The following NME8 variants were observed in gnomAD, a reference collection of about 807,000 sequenced individuals.
NME8 encodes NME/NM23 family member 8.
A neutral mutation model predicts 82.3 loss-of-function variants in NME8; 72 were observed. The observed-to-expected ratio is 0.87, with a 90% confidence interval of 0.72 to 1.06. NME8 has a LOEUF of 1.06. Ranked by LOEUF, NME8 falls within the 50% of genes least tolerant of loss-of-function variation. The pLI is 0.00. For missense variants in NME8, 712 were observed against 685.4 expected, an observed-to-expected ratio of 1.04 and a Z score of -0.43; for synonymous variants, 267 against 228.5, an observed-to-expected ratio of 1.17 and a Z score of -1.52.
chr7:37,853,496 T>A (rs1024670951), intron 5 of NME8, among the ~76,000 whole-genome samples: 17 of 152,150 alleles, frequency 1.1e-4, no homozygotes, highest in Non-Finnish European at 4.4e-5. Context: ...AAATACAGTA[T>A]CACAAGTGTC....
At chr7:37,866,259 A>G (rs2131951007) in intron 10 of NME8, among the ~76,000 whole-genome samples, 1 of 152,246 alleles carries the variant, frequency 6.6e-6, no homozygotes, top group Non-Finnish European at 1.5e-5. Context: ...CAGTTGCACT[A>G]GCCACATTTT....
chr7:37,860,235 C>T (rs1029689045), intron 6 of NME8, among the ~76,000 whole-genome samples: 34 of 152,040 alleles, frequency 2.2e-4, no homozygotes, highest in Non-Finnish European at 1.8e-4. Context: ...CTCTAGCCAC[C>T]ATCCATTTCT....
At chr7:37,879,974 C>G (rs79959074) in intron 12 of NME8, among the ~76,000 whole-genome samples, 63 of 152,266 alleles carry the variant, frequency 4.1e-4, no homozygotes, top group African/African-American at 1.4e-3. Flanking sequence ...TTTTCATATG[C>G]TTACTAATCA....
chr7:37,872,230 C>T (rs1231439314), intron 11 of NME8, among the ~76,000 whole-genome samples: 1 of 152,190 alleles, frequency 6.6e-6, no homozygotes, highest in East Asian at 1.9e-4. Flanking sequence ...TCTCTGGGGG[C>T]TTTTCCTGAT....
At position 37,894,384 on chromosome 7, in the gene NME8, T is replaced by C. The variant is rs920287976; in HGVS notation, c.1400-82T>C. 2.1e-6 allele frequency: 3 copies of C among 1,401,002 alleles called. No individual in the cohort carries two copies. In the African/African-American group the frequency reaches 4.2e-5, roughly 20 times the overall value. 86.8% of individuals were successfully genotyped at this position (1,401,002 alleles called of 1,614,324 possible). ...CACAATATGCAAATTAAACTATCAT[T>C]TTCCTTAGTTATTTCAGTCTACTTG... On this transcript the variant is annotated intron_variant, in intron 15 of 17. Transcript: ENST00000199447.
chr7:37,871,153 G>C lies in NME8; in HGVS notation c.818+3255G>C, dbSNP rs147579295. On this transcript the variant is annotated intron_variant, in intron 11 of 17. Transcript: ENST00000199447. ...TGGGAGTGATTGGTGACCCCTCTGC[G>C]TACAGAGCAGCGGAGTCCCAGAGCT... Among the ~76,000 whole-genome samples the C allele has an allele frequency of 9.0e-3, 1,371 of 152,224 alleles. 26 individuals are homozygous for C. The highest frequency in any genetic ancestry group is 0.031 in the African/African-American group (1,308 of 41,538).
chr7:37,884,494 T>C (rs2131967408), intron 13 of NME8, 47 bp downstream of exon 13: 2 of 1,546,302 alleles, frequency 1.3e-6, no homozygotes, highest in Non-Finnish European at 1.8e-6. Flanking sequence ...TTTTGAATCA[T>C]GTAAACTTTC....
intron 12 of NME8, 75 bp from the exon 13 acceptor site, chr7:37,884,228 A>T (rs565988761): frequency 9.6e-7 from 1 of 1,037,544 alleles, no homozygotes; most frequent in African/African-American, 1.6e-5. Context: ...TGCCCTCATG[A>T]TAGTATATTA....
At chr7:37,878,439 G>T (rs1008356009) in intron 12 of NME8, among the ~76,000 whole-genome samples, 5 of 152,032 alleles carry the variant, frequency 3.3e-5, no homozygotes, top group Admixed American at 6.6e-5. Context: ...TCTGGTTTTG[G>T]TGTCAGAGTA....
intron 15 of NME8, among the ~76,000 whole-genome samples, chr7:37,889,924 T>C (rs901747085): frequency 6.6e-6 from 1 of 151,784 alleles, no homozygotes; most frequent in African/African-American, 2.4e-5. Flanking sequence ...CTGTTTTCAG[T>C]ATATTGTTGG....
In NME8 at chr7:37,884,347, G is replaced by A. The variant is rs1353794968; in HGVS notation, c.1039G>A (p.Glu347Lys). The A allele has an allele frequency of 3.1e-6, 5 of 1,598,294 alleles. No homozygotes were observed. Among genetic ancestry groups the A allele is most frequent in the Non-Finnish European group, 3.4e-6 (4 of 1,165,750 alleles). The change falls in exon 13 of 18, where the codon GAG becomes AAG. Residue 347 changes from glutamate to lysine, a missense_variant. By Grantham distance (56) the Glu-to-Lys change is moderately conservative. Coordinates refer to ENST00000199447, the MANE Select transcript of NME8 (RefSeq NM_016616.5). ...TAAAGATGAAGACTTCAAAATACTG[G>A]AGCAAAGACAAGTAGTATTATCGGA... Reference protein sequence around the residue: ...IIKDEDFKILEQRQVVLSEKE... With the variant: ...IIKDEDFKILKQRQVVLSEKE...
At chr7:37,870,697 G>A (rs903787424) in intron 11 of NME8, among the ~76,000 whole-genome samples, 2 of 152,080 alleles carry the variant, frequency 1.3e-5, no homozygotes, top group African/African-American at 4.8e-5. Context: ...TGGTCTATAG[G>A]CTTCTGAACC....
intron 15 of NME8, among the ~76,000 whole-genome samples, chr7:37,892,831 C>T (rs1785151023): frequency 6.6e-6 from 1 of 151,920 alleles, no homozygotes; most frequent in Non-Finnish European, 1.5e-5. Context: ...CTGCTTAATT[C>T]ACATTAGGGT....
rs950502955 is a variant in NME8, at chr7:37,865,511, C to A, written c.529-14C>A. The A allele has an allele frequency of 6.3e-7, 1 of 1,576,548 alleles. No homozygotes were observed. Among genetic ancestry groups the A allele is most frequent in the African/African-American group, 1.3e-5 (1 of 74,282 alleles). On this transcript the variant is annotated splice_polypyrimidine_tract_variant and intron_variant, in intron 9 of 17. Transcript: ENST00000199447. ...CCCACGACACCTGGATTTGACCTTA[C>A]TCTCTAATTGAAGATTACCAAAGCT...
intron 5 of NME8, among the ~76,000 whole-genome samples, chr7:37,853,469 G>A (rs1784464740): frequency 6.6e-6 from 1 of 152,130 alleles, no homozygotes; most frequent in African/African-American, 2.4e-5. Context: ...CAGTTGGAAA[G>A]GGGTTGATAG....
intron 5 of NME8, among the ~76,000 whole-genome samples, chr7:37,853,166 A>G (rs1352037130): frequency 6.6e-6 from 1 of 152,042 alleles, no homozygotes; most frequent in Non-Finnish European, 1.5e-5. Flanking sequence ...TATTTTTTTA[A>G]TTGGGTTGTT....
chr7:37,882,724 G>GTTTT (rs1562838583), intron 12 of NME8, among the ~76,000 whole-genome samples: 1 of 152,082 alleles, frequency 6.6e-6, no homozygotes, highest in African/African-American at 2.4e-5. Context: ...TATGCATCAG[G>GTTTT]TTATTCCATG....
chr7:37,883,549 G>C (rs1428345820), intron 12 of NME8, among the ~76,000 whole-genome samples: 1 of 152,120 alleles, frequency 6.6e-6, no homozygotes, highest in Non-Finnish European at 1.5e-5. Context: ...CAAGATCTTA[G>C]TCAATATTTG....
chr7:37,877,765 C>T (rs903926583), intron 12 of NME8, among the ~76,000 whole-genome samples: 2 of 152,140 alleles, frequency 1.3e-5, no homozygotes, highest in Non-Finnish European at 2.9e-5. Flanking sequence ...TCCTTGGCCT[C>T]TACTCACTAA....
Sources: allele counts gnomAD v4.1 joint callset (sites outside exome capture counted in the v4.1 genomes callset), GRCh38; gene constraint gnomAD v4.1.1; transcripts MANE v1.5; gene names NCBI Gene and HGNC (gene_info 2026-07-23, HGNC 2026-07-21).